Variants in NLRP7 observed in about 807,000 individuals in gnomAD.
NLRP7 encodes the protein NACHT, LRR and PYD domains-containing protein 7.
Under a neutral mutation model 85.5 loss-of-function variants are expected in NLRP7, and 72 were observed. The ratio of observed to expected loss-of-function variants is 0.84; its 90% CI spans 0.70 to 1.02. The LOEUF is 1.02. NLRP7 is among the 50% of genes least tolerant of loss of function. NLRP7 has a pLI of 0.00. For missense variants in NLRP7, 1,243 were observed against 1,219.5 expected (o/e 1.02, Z -0.29); for synonymous variants, 550 against 505.2 (o/e 1.09, Z -1.19).
intron 1 of NLRP7, among the ~76,000 whole-genome samples, chr19:54,942,255 C>CAAAAAAAAA (rs576434793): frequency 3.4e-5 from 2 of 59,440 alleles, no homozygotes; most frequent in Non-Finnish European, 6.3e-5. Flanking sequence ...GACTCCGTCT[C>CAAAAAAAAA]AAAAAAAAAA....
intron 1 of NLRP7, among the ~76,000 whole-genome samples, chr19:54,943,455 G>T (rs1015116119): frequency 1.3e-5 from 2 of 151,988 alleles, no homozygotes; most frequent in Non-Finnish European, 2.9e-5. Context: ...CAAACAATTA[G>T]CCGGGCGTGG....
At chr19:54,948,240 C>A (rs1247232114), upstream of NLRP7, among the ~76,000 whole-genome samples, 1 of 152,084 alleles carries the variant, frequency 6.6e-6, no homozygotes, top group Non-Finnish European at 1.5e-5. Context: ...AAAAAATTAG[C>A]CAGGTGTGGT....
chr19:54,946,302 C>A (rs2069472016), intron 1 of NLRP7, among the ~76,000 whole-genome samples: 1 of 151,686 alleles, frequency 6.6e-6, no homozygotes, highest in African/African-American at 2.4e-5. Flanking sequence ...ACCTCCGCCT[C>A]CCGGGTTCAA....
chr19:54,959,287 C>A (rs1296281202), intron 1 of NLRP7, among the ~76,000 whole-genome samples: 3 of 141,334 alleles, frequency 2.1e-5, no homozygotes, highest in African/African-American at 5.3e-5. Context: ...TACAGGCGCA[C>A]GCCACCATGC....
At chr19:54,933,517 C>T (rs1379139143) in intron 8 of NLRP7, 52 bp downstream of exon 8, 1 of 1,596,536 alleles carries the variant, frequency 6.3e-7, no homozygotes, top group Non-Finnish European at 8.6e-7. Flanking sequence ...ACTTTCATGT[C>T]TCTCCTGCTT....
At chr19:54,926,201 T>TA (rs2068429045) in intron 9 of NLRP7, among the ~76,000 whole-genome samples, 1 of 126,460 alleles carries the variant, frequency 7.9e-6, no homozygotes, top group Non-Finnish European at 1.6e-5. Context: ...ATATAATGAT[T>TA]AGGGGTGTGT....
chr19:54,930,437 G>A, intron 9 of NLRP7, 62 bp downstream of exon 9: 1 of 1,197,088 alleles, frequency 8.4e-7, no homozygotes, highest in Non-Finnish European at 1.2e-6. Flanking sequence ...ACTCCAGGCT[G>A]GGGGACAGAG....
At chr19:54,960,050 T>A (rs1328641841) in intron 1 of NLRP7, among the ~76,000 whole-genome samples, 1 of 152,028 alleles carries the variant, frequency 6.6e-6, no homozygotes, top group Non-Finnish European at 1.5e-5. Context: ...AACCACGTAG[T>A]TCCTCTTTTG....
At chr19:54,945,610 T>G (rs1267605556) in intron 1 of NLRP7, among the ~76,000 whole-genome samples, 1 of 151,638 alleles carries the variant, frequency 6.6e-6, no homozygotes, top group Non-Finnish European at 1.5e-5. Context: ...CTTTTTTTCT[T>G]TTTTTTGAGA....
At chr19:54,953,086 A>G (rs1233509395) in intron 1 of NLRP7, 1 of 133,420 alleles carries the variant, frequency 7.5e-6, no homozygotes, top group African/African-American at 3.0e-5. Context: ...CAGTAAAAAG[A>G]AAAAAAAAAG....
At position 54,930,667 on chromosome 19, in the gene NLRP7, C is replaced by T; in HGVS notation, c.2643-1G>A. ...CTTGGTTATGCTGCATTGCTGTAACCTACAGGATAATCAAAGGAAGAGAAG... is the reference window on the plus strand; with the variant it reads ...CTTGGTTATGCTGCATTGCTGTAACTTACAGGATAATCAAAGGAAGAGAAG... On this transcript the variant is annotated splice_acceptor_variant, in intron 8 of 9. Transcript: ENST00000340844. LOFTEE classifies it high-confidence loss of function. 2 of 1,613,212 alleles carry T rather than the reference C, an allele frequency of 1.2e-6. No homozygotes were observed. The highest frequency in any genetic ancestry group is 1.7e-6 in the Non-Finnish European group (2 of 1,179,262).
In NLRP7 at chr19:54,934,409, C is replaced by T. The variant is rs545485938; in HGVS notation, c.2471+80G>A. The stretch of plus-strand genomic sequence containing the variant: ...TCAGCAAGAGGCGCCACGTGGGTGG[C>T]GCAGTAAGTCAGGTGTTACCCTTTC... On this transcript the variant is annotated intron_variant, in intron 7 of 9. Transcript: ENST00000340844. This position sits in a 1 kb window ranked among gnomAD's most constrained non-coding sequence, Gnocchi z 6.7. The T allele has an allele frequency of 1.1e-4, 162 of 1,428,450 alleles. No homozygotes were observed. The highest frequency in any genetic ancestry group is 2.5e-4 in the East Asian group (11 of 44,006). The allele number at this position is 1,428,450 out of a possible 1,614,324, so 88.5% of individuals were successfully genotyped here.
chr19:54,938,828 A>G (rs1391908689), intron 4 of NLRP7, 60 bp downstream of exon 4: 12 of 1,584,196 alleles, frequency 7.6e-6, no homozygotes, highest in Non-Finnish European at 1.0e-5. Context: ...AGTAAGCGAC[A>G]GGGCAAAGGA....
chr19:54,941,999 A>C (rs530097973), intron 1 of NLRP7, among the ~76,000 whole-genome samples: 3 of 152,130 alleles, frequency 2.0e-5, no homozygotes, highest in Non-Finnish European at 4.4e-5. Context: ...CACGCCTGTA[A>C]TCCCAGCACT....
At position 54,939,740 on chromosome 19, in the gene NLRP7, C is replaced by A. The variant is rs750318559; in HGVS notation, c.1079G>T (p.Gly360Val). 6.2e-7 allele frequency: 1 copy of A among 1,613,624 alleles called. No individual in the cohort carries two copies. Among genetic ancestry groups the A allele is most frequent in the East Asian group, 2.2e-5 (1 of 44,864 alleles). Residue 360 changes from glycine (G) to valine (V), a missense_variant, in exon 4 of 10, where the codon GGC (glycine) becomes GTC (valine). By Grantham distance (109) the Gly-to-Val change is moderately radical (BLOSUM62 -3). Around this residue, in one of 3 missense-constraint regions of NLRP7, gnomAD observed 591 missense variants for 563.3 expected, o/e 1.05. Coordinates refer to ENST00000340844, the Ensembl canonical transcript of NLRP7. ...AATCCAGCACACCGCGGGGGCCGAG[C>A]CCAGCTGGAACAGGGCCGCGTTGCT...
chr19:54,939,837 C>T (rs141141340), exon 4 of NLRP7: 9 of 1,613,924 alleles, frequency 5.6e-6, no homozygotes, highest in Middle Eastern at 1.6e-4. Flanking sequence ...GCCCTCCTGT[C>T]CTCCTCCAGG....
At chr19:54,931,586 G>A (rs2068679128) in intron 8 of NLRP7, among the ~76,000 whole-genome samples, 1 of 152,042 alleles carries the variant, frequency 6.6e-6, no homozygotes, top group African/African-American at 2.4e-5. Flanking sequence ...TACTCAGGAG[G>A]CTGAGGCAGG....
chr19:54,949,503 A>T (rs1238721001), upstream of NLRP7, among the ~76,000 whole-genome samples: 1 of 152,190 alleles, frequency 6.6e-6, no homozygotes, highest in Non-Finnish European at 1.5e-5. Context: ...TTTGGCCTTT[A>T]GTCCTAGAGC....
chr19:54,950,967 G>A (rs2069649245), upstream of NLRP7, among the ~76,000 whole-genome samples: 1 of 152,208 alleles, frequency 6.6e-6, no homozygotes, highest in Non-Finnish European at 1.5e-5. Context: ...CAGTGTTTGT[G>A]TCCCTGGGTA....
Sources: allele counts gnomAD v4.1 joint callset (sites outside exome capture counted in the v4.1 genomes callset), GRCh38; gene constraint gnomAD v4.1.1; regional missense constraint gnomAD v4.1.1; non-coding constraint Gnocchi (gnomAD v3.1); transcripts MANE v1.5; gene names NCBI Gene and HGNC (gene_info 2026-07-23, HGNC 2026-07-21).